The following VPS13B variants were observed in gnomAD, a reference collection of about 807,000 sequenced individuals.
The protein encoded by VPS13B is intermembrane lipid transfer protein VPS13B.
Under a neutral mutation model 426.4 loss-of-function variants are expected in VPS13B, and 285 were observed. The ratio of observed to expected loss-of-function variants is 0.67; its 90% CI spans 0.61 to 0.74. The LOEUF (loss-of-function observed/expected upper bound fraction) is 0.74, where lower values mean the gene tolerates loss of function less well. VPS13B is among the 30% of genes least tolerant of loss of function. VPS13B has a pLI of 0.00. For missense variants in VPS13B, 4,537 were observed against 4,782.6 expected, an observed-to-expected ratio of 0.95 and a Z score of 1.51; for synonymous variants, 1,676 against 1,676.4, an observed-to-expected ratio of 1.00 and a Z score of 0.01.
At chr8:99,864,555 AAATAATAATAGT>A (rs1816998245) in intron 58 of VPS13B, among the ~76,000 whole-genome samples, 1 of 152,224 alleles carries the variant, frequency 6.6e-6, no homozygotes, top group Non-Finnish European at 1.5e-5. Flanking sequence ...CCTTGTCTCA[AAATAATAATAGT>A]AATAATAATA....
At chr8:99,708,855 A>C (rs539304418) in intron 36 of VPS13B, among the ~76,000 whole-genome samples, 5 of 150,236 alleles carry the variant, frequency 3.3e-5, no homozygotes, top group African/African-American at 1.2e-4. Flanking sequence ...CTCTCTATAT[A>C]TATATATAGG....
chr8:99,160,115 A>G (rs1280616900), intron 15 of VPS13B, among the ~76,000 whole-genome samples: 1 of 152,136 alleles, frequency 6.6e-6, no homozygotes, highest in East Asian at 1.9e-4. Context: ...GGTGATGTGG[A>G]ACTTGCAGTA....
chr8:99,636,014 T>G (rs1296410506), intron 33 of VPS13B, among the ~76,000 whole-genome samples: 2 of 152,008 alleles, frequency 1.3e-5, no homozygotes, highest in East Asian at 3.8e-4. Context: ...GTGGCTAGTA[T>G]CTGTACCGTA....
chr8:99,474,683 G>A (rs1166337370), intron 24 of VPS13B, among the ~76,000 whole-genome samples: 1 of 152,030 alleles, frequency 6.6e-6, no homozygotes, highest in Non-Finnish European at 1.5e-5. Flanking sequence ...TATTAGACTG[G>A]CTAAAATAAA....
intron 17 of VPS13B, among the ~76,000 whole-genome samples, chr8:99,196,903 C>T (rs971700661): frequency 1.3e-5 from 2 of 152,086 alleles, no homozygotes; most frequent in East Asian, 3.8e-4. Context: ...CTTGTCAGGT[C>T]CCTCATCTTT....
chr8:99,697,831 G>T, intron 35 of VPS13B: 2 of 586,538 alleles, frequency 3.4e-6, no homozygotes, highest in Non-Finnish European at 3.3e-6. Context: ...TCACCAGCCT[G>T]GCCTCAGCAC....
chr8:99,850,331 AT>A (rs1816216330), intron 55 of VPS13B, among the ~76,000 whole-genome samples: 2 of 144,006 alleles, frequency 1.4e-5, no homozygotes, highest in African/African-American at 5.6e-5. Context: ...ATAAGTACGC[AT>A]GTATGTACTT....
rs1160697460 is a variant in VPS13B, at chr8:99,502,851, G to A, written c.4058G>A (p.Ser1353Asn). 3 of 1,612,852 alleles carry A rather than the reference G, an allele frequency of 1.9e-6. No individual in the cohort carries two copies. In the African/African-American group the frequency reaches 4.0e-5, roughly 21 times the overall value. Residue 1353 changes from serine (S) to asparagine (N), a missense_variant, in exon 27 of 62, where the codon AGT becomes AAT. Ser to Asn is a conservative substitution (Grantham distance 46, BLOSUM62 1). Coordinates refer to ENST00000357162, the MANE Select transcript of VPS13B (RefSeq NM_152564.5). Reference sequence around the variant, plus strand: ...CTTATTGCAGAGGTTTGTATGGTCAGTGAACTAGAAGATCTCAGTGCTTCC... The same window carrying A: ...CTTATTGCAGAGGTTTGTATGGTCAATGAACTAGAAGATCTCAGTGCTTCC... ...ENKGTEVCMV[S>N]ELEDLSASID...
At chr8:99,115,563 GT>G in intron 6 of VPS13B, 136 bp from the exon 7 acceptor site, 1 of 869,410 alleles carries the variant, frequency 1.2e-6, no homozygotes, top group Non-Finnish European at 1.8e-6. Flanking sequence ...AGTAAGTATT[GT>G]TTTGATTTAA....
At chr8:99,792,286 A>G (rs1216669702) in intron 43 of VPS13B, among the ~76,000 whole-genome samples, 2 of 152,178 alleles carry the variant, frequency 1.3e-5, no homozygotes, top group African/African-American at 4.8e-5. Context: ...AGAAAAAAAA[A>G]TGTTAACTCA....
chr8:99,226,983 C>T (rs1270937663), intron 17 of VPS13B, among the ~76,000 whole-genome samples: 1 of 152,010 alleles, frequency 6.6e-6, no homozygotes, highest in African/African-American at 2.4e-5. Flanking sequence ...GAACTTATAC[C>T]TTCTGTCTAA....
At chr8:99,145,873 C>T (rs1296275119) in intron 13 of VPS13B, among the ~76,000 whole-genome samples, 1 of 152,164 alleles carries the variant, frequency 6.6e-6, no homozygotes, top group Non-Finnish European at 1.5e-5. Context: ...AAAGAAACTA[C>T]CAAGCTGTTT....
chr8:99,304,660 C>G (rs369618941), intron 19 of VPS13B, among the ~76,000 whole-genome samples: 17 of 152,110 alleles, frequency 1.1e-4, no homozygotes, highest in Admixed American at 3.3e-4. Flanking sequence ...CCATTTTACT[C>G]CAAGCCTACA....
rs148177938 is a variant in VPS13B at position 99,708,711 on chromosome 8, C to T, written c.6455-8460C>T. 5.3e-3 allele frequency among the ~76,000 whole-genome samples: 814 copies of T among 152,156 alleles called. 8 individuals are homozygous for T. The highest frequency in any genetic ancestry group is 0.019 in the African/African-American group (783 of 41,532). ...TTCATTTGTTGGGGAATACTGGCAT[C>T]TTTTACAGCTTAAATGTCAGTGTCC... On this transcript the variant is annotated intron_variant, in intron 36 of 61. Coordinates refer to ENST00000357162, the MANE Select transcript of VPS13B (RefSeq NM_152564.5).
At chr8:99,070,663 T>G (rs904530357) in intron 3 of VPS13B, among the ~76,000 whole-genome samples, 4 of 152,206 alleles carry the variant, frequency 2.6e-5, no homozygotes, top group African/African-American at 9.6e-5. Flanking sequence ...CTACATTACC[T>G]TCTTTTCTCG....
At chr8:99,464,191 G>A (rs1388825297) in intron 23 of VPS13B, among the ~76,000 whole-genome samples, 2 of 152,060 alleles carry the variant, frequency 1.3e-5, no homozygotes, top group African/African-American at 2.4e-5. Flanking sequence ...TTGAATGTAA[G>A]AGAAAAAACT....
chr8:99,024,278 TTGTG>T (rs1467703875), intron 2 of VPS13B, among the ~76,000 whole-genome samples: 4 of 152,226 alleles, frequency 2.6e-5, no homozygotes, highest in African/African-American at 7.2e-5. Flanking sequence ...GAGAGCGTGT[TTGTG>T]TGTGCATGCG....
intron 3 of VPS13B, among the ~76,000 whole-genome samples, chr8:99,093,033 A>C (rs1846227645): frequency 6.6e-6 from 1 of 152,008 alleles, no homozygotes; most frequent in Non-Finnish European, 1.5e-5. Context: ...CAATGGCACC[A>C]CAAATTAAAT....
chr8:99,313,828 T>C (rs910727604), intron 19 of VPS13B, among the ~76,000 whole-genome samples: 3 of 152,120 alleles, frequency 2.0e-5, no homozygotes, highest in Non-Finnish European at 4.4e-5. Flanking sequence ...AGTTCAAGCT[T>C]CCTGGCCGCT....
Sources: gnomAD v4.1 joint callset for allele counts (sites outside exome capture counted in the v4.1 genomes callset) on GRCh38, gnomAD v4.1.1 for gene constraint, MANE v1.5 for transcripts, NCBI Gene and HGNC (gene_info 2026-07-23, HGNC 2026-07-21) for gene names.